TNFSF4: variants seen among roughly 807,000 people sequenced by gnomAD.
The protein encoded by TNFSF4 is tumor necrosis factor ligand superfamily member 4.
TNFSF4 carries 4 observed loss-of-function variants against 7.3 expected under a neutral mutation model. The ratio of observed to expected loss-of-function variants is 0.55; its 90% CI spans 0.27 to 1.25. The LOEUF (loss-of-function observed/expected upper bound fraction) is 1.25. Among genes scored for constraint, TNFSF4 ranks in the 50% most tolerant of loss-of-function variants. The pLI, the probability that TNFSF4 is intolerant of heterozygous loss-of-function variation, is 0.12. For missense variants in TNFSF4, 181 were observed against 208.8 expected, an observed-to-expected ratio of 0.87 and a Z score of 0.82; for synonymous variants, 76 against 83.7, an observed-to-expected ratio of 0.91 and a Z score of 0.50.
At chr1:173,237,349 C>A in the TNFSF4 span, among the ~76,000 whole-genome samples, 2 of 152,080 alleles carry the variant, frequency 1.3e-5, no homozygotes, top group Admixed American at 6.6e-5. Context: ...GAAGAAAAGG[C>A]TTTTGATAAA....
the TNFSF4 span, among the ~76,000 whole-genome samples, chr1:173,300,470 G>A: frequency 1.1e-4 from 16 of 151,934 alleles, no homozygotes; most frequent in South Asian, 2.3e-3. Context: ...GCTGAGGAGG[G>A]ATTTTCTTAC....
chr1:173,298,184 T>C, the TNFSF4 span, among the ~76,000 whole-genome samples: 1 of 151,824 alleles, frequency 6.6e-6, no homozygotes, highest in African/African-American at 2.4e-5. Context: ...TGCTTTCAGA[T>C]GAAAAGCTTG....
the TNFSF4 span, among the ~76,000 whole-genome samples, chr1:173,233,301 C>T: frequency 6.6e-6 from 1 of 152,154 alleles, no homozygotes; most frequent in Admixed American, 6.5e-5. Context: ...AAGAAATGAA[C>T]AAAGCCTCCA....
At chr1:173,298,641 G>A in the TNFSF4 span, among the ~76,000 whole-genome samples, 1 of 151,864 alleles carries the variant, frequency 6.6e-6, no homozygotes, top group African/African-American at 2.4e-5. Flanking sequence ...GCCAGAGCAG[G>A]ACTCCCACAG....
At chr1:173,421,540 T>C in the TNFSF4 span, among the ~76,000 whole-genome samples, 2 of 152,248 alleles carry the variant, frequency 1.3e-5, no homozygotes, top group Non-Finnish European at 2.9e-5. Flanking sequence ...CATCCTCAAG[T>C]AAAATAATCC....
At chr1:173,384,147 T>C in the TNFSF4 span, among the ~76,000 whole-genome samples, 1 of 152,202 alleles carries the variant, frequency 6.6e-6, no homozygotes, top group African/African-American at 2.4e-5. Flanking sequence ...ATTTATTGCA[T>C]GCTAAAGGGT....
the TNFSF4 span, among the ~76,000 whole-genome samples, chr1:173,373,427 A>T: frequency 2.0e-5 from 3 of 152,186 alleles, no homozygotes; most frequent in African/African-American, 7.2e-5. Context: ...CAGAATGGGG[A>T]CTTTCACGGG....
chr1:173,373,424 G>A, the TNFSF4 span, among the ~76,000 whole-genome samples: 4 of 152,170 alleles, frequency 2.6e-5, no homozygotes, highest in African/African-American at 9.7e-5. Flanking sequence ...AAACAGAATG[G>A]GGACTTTCAC....
chr1:173,376,480 G>A, the TNFSF4 span, among the ~76,000 whole-genome samples: 1 of 152,214 alleles, frequency 6.6e-6, no homozygotes, highest in Non-Finnish European at 1.5e-5. Flanking sequence ...AGTGAGAGGT[G>A]AAGCCAGCTG....
the TNFSF4 span, among the ~76,000 whole-genome samples, chr1:173,389,937 A>G: frequency 9.9e-5 from 15 of 152,072 alleles, no homozygotes; most frequent in Non-Finnish European, 2.1e-4. Context: ...CATTTTGAAC[A>G]TAACTATTTT....
the TNFSF4 span, among the ~76,000 whole-genome samples, chr1:173,419,136 G>A: frequency 0.082 from 12,494 of 152,066 alleles, 762 homozygotes; most frequent in East Asian, 0.29. Context: ...TCAGGAGATC[G>A]AGACCATCCT....
chr1:173,441,554 G>A, the TNFSF4 span, among the ~76,000 whole-genome samples: 26 of 152,284 alleles, frequency 1.7e-4, no homozygotes, highest in South Asian at 5.4e-3. Context: ...AACCCGGGAG[G>A]TGGAGGTTGC....
At chr1:173,255,611 TTTTG>T in the TNFSF4 span, among the ~76,000 whole-genome samples, 1 of 152,188 alleles carries the variant, frequency 6.6e-6, no homozygotes, top group African/African-American at 2.4e-5. Context: ...GCATGTGGGT[TTTTG>T]TTTGTGAAAC....
chr1:173,450,028 C>G, the TNFSF4 span, among the ~76,000 whole-genome samples: 3 of 152,022 alleles, frequency 2.0e-5, no homozygotes, highest in Non-Finnish European at 4.4e-5. Context: ...AATTGATAAA[C>G]CTCTAGCCTG....
chr1:173,225,237 A>G, the TNFSF4 span, among the ~76,000 whole-genome samples: 29 of 152,216 alleles, frequency 1.9e-4, no homozygotes, highest in Non-Finnish European at 4.1e-4. Flanking sequence ...GGAATTACCC[A>G]GGAGAAAGGG....
At chr1:173,322,136 TA>T in the TNFSF4 span, among the ~76,000 whole-genome samples, 5 of 152,054 alleles carry the variant, frequency 3.3e-5, no homozygotes, top group Admixed American at 2.0e-4. Flanking sequence ...TATGCAGCCA[TA>T]AAAAAGAATG....
the TNFSF4 span, among the ~76,000 whole-genome samples, chr1:173,447,893 A>C: frequency 6.6e-6 from 1 of 152,172 alleles, no homozygotes; most frequent in Non-Finnish European, 1.5e-5. Context: ...ACCTACTTTA[A>C]AAATAAAGAC....
At chr1:173,410,572 G>T in the TNFSF4 span, among the ~76,000 whole-genome samples, 1 of 152,158 alleles carries the variant, frequency 6.6e-6, no homozygotes, top group Non-Finnish European at 1.5e-5. Context: ...TCTCACAATG[G>T]GAGGGAACAT....
chr1:173,296,483 TC>T, the TNFSF4 span, among the ~76,000 whole-genome samples: 1 of 151,930 alleles, frequency 6.6e-6, no homozygotes. Context: ...TTCATAGTAA[TC>T]TAAATCAGCT....
Sources: allele counts gnomAD v4.1 joint callset (sites outside exome capture counted in the v4.1 genomes callset), GRCh38; gene constraint gnomAD v4.1.1; transcripts MANE v1.5; gene names NCBI Gene and HGNC (gene_info 2026-07-23, HGNC 2026-07-21).